Variants in INVS observed in about 807,000 individuals in gnomAD.
INVS encodes inversin.
In INVS, 86 loss-of-function variants were observed where a neutral mutation model predicts 108.8. That is an observed-to-expected ratio of 0.79 (90% CI 0.66 to 0.95). INVS has a LOEUF of 0.95. INVS is among the 40% of genes least tolerant of loss of function. The probability of loss-of-function intolerance (pLI) is 0.00; values close to 1 mark genes in which losing one functional copy is unlikely to be tolerated. For synonymous variants in INVS, 455 were observed against 473.5 expected, an observed-to-expected ratio of 0.96 and a Z score of 0.51; for missense variants, 1,169 against 1,297.4, an observed-to-expected ratio of 0.90 and a Z score of 1.52.
intron 3 of INVS, among the ~76,000 whole-genome samples, chr9:100,168,656 A>G (rs1159038258): frequency 6.6e-6 from 1 of 152,200 alleles, no homozygotes; most frequent in Admixed American, 6.5e-5. Flanking sequence ...AAGCTGTCAA[A>G]TATCGGCCTT....
intron 4 of INVS, among the ~76,000 whole-genome samples, chr9:100,228,238 G>A (rs1346791781): frequency 1.3e-5 from 2 of 152,016 alleles, no homozygotes; most frequent in Non-Finnish European, 2.9e-5. Context: ...TGATCCACCC[G>A]CCTCGATCTC....
intron 11 of INVS, 70 bp from the exon 12 acceptor site, chr9:100,272,794 T>A: frequency 7.3e-7 from 1 of 1,371,330 alleles, no homozygotes; most frequent in Non-Finnish European, 1.0e-6. Flanking sequence ...CATAATAATA[T>A]TTTCAGTTTA....
intron 3 of INVS, among the ~76,000 whole-genome samples, chr9:100,155,147 G>C (rs1030053734): frequency 1.3e-5 from 2 of 151,014 alleles, no homozygotes; most frequent in African/African-American, 2.4e-5. Flanking sequence ...GGAGGCAGAG[G>C]TTGCAGAGAG....
At chr9:100,291,771 C>T (rs1428139954) in intron 13 of INVS, among the ~76,000 whole-genome samples, 1 of 152,188 alleles carries the variant, frequency 6.6e-6, no homozygotes, top group East Asian at 1.9e-4. Flanking sequence ...AGAACCTGGG[C>T]TGAAACAAAC....
In INVS at chr9:100,240,234, T is replaced by A. The variant is rs769026685; in HGVS notation, c.790T>A (p.Leu264Ile). 6.2e-7 allele frequency: 1 copy of A among 1,613,308 alleles called. No homozygotes were observed. Among genetic ancestry groups the A allele is most frequent in the South Asian group, 1.1e-5 (1 of 91,078 alleles). Residue 264 changes from leucine to isoleucine, a missense_variant, in exon 6 of 17, where the codon TTA (leucine) becomes ATA (isoleucine). By Grantham distance (5) the Leu-to-Ile change is conservative. Transcript: ENST00000262457. ...TCGAACCCCACTGCACTGGGCAGCTTTATTAGGTACGTGACTCAAAGGATC... is the reference window on the plus strand; with the variant it reads ...TCGAACCCCACTGCACTGGGCAGCTATATTAGGTACGTGACTCAAAGGATC... Reference protein sequence around the residue: ...LFRTPLHWAALLGHAQIVHLL... With the variant: ...LFRTPLHWAAILGHAQIVHLL...
intron 3 of INVS, among the ~76,000 whole-genome samples, chr9:100,168,164 G>A (rs892607625): frequency 2.4e-4 from 36 of 152,042 alleles, no homozygotes; most frequent in Middle Eastern, 6.3e-3. Context: ...TCTCCAGAAT[G>A]TTTGTATTGA....
At chr9:100,198,450 TC>T (rs1830446937) in intron 3 of INVS, among the ~76,000 whole-genome samples, 1 of 149,750 alleles carries the variant, frequency 6.7e-6, no homozygotes, top group South Asian at 2.1e-4. Flanking sequence ...CACCACCAGG[TC>T]CCGCTAATTT....
chr9:100,284,536 C>T lies in INVS; in HGVS notation c.2001C>T (p.Gly667=), dbSNP rs536554704. 1.2e-5 allele frequency: 19 copies of T among 1,613,952 alleles called. No homozygotes were observed. The highest frequency in any genetic ancestry group is 5.0e-5 in the Admixed American group (3 of 60,006). Residue 667 remains glycine, a synonymous_variant, in exon 13 of 17, where the codon GGC becomes GGT. Transcript: ENST00000262457. ...DSRGSPGGSL[G]GALQKEQHVS... is the part of the protein sequence containing the mutation. Reference sequence around the variant, plus strand: ...GAGGATCTCCAGGAGGGTCTCTAGGCGGAGCCCTCCAGAAGGAGCAGCATG... The same window carrying T: ...GAGGATCTCCAGGAGGGTCTCTAGGTGGAGCCCTCCAGAAGGAGCAGCATG...
chr9:100,261,766 A>G (rs1832631687), intron 10 of INVS, among the ~76,000 whole-genome samples: 1 of 151,972 alleles, frequency 6.6e-6, no homozygotes, highest in African/African-American at 2.4e-5. Context: ...TATACTTTTC[A>G]TTTCTTTGCT....
chr9:100,208,591 A>G (rs560255529), intron 3 of INVS, among the ~76,000 whole-genome samples: 9 of 152,220 alleles, frequency 5.9e-5, no homozygotes, highest in East Asian at 1.9e-4. Context: ...TCTAAACTGC[A>G]TGCTAGGATC....
chr9:100,276,750 C>G (rs1833126153), intron 12 of INVS, among the ~76,000 whole-genome samples: 1 of 152,164 alleles, frequency 6.6e-6, no homozygotes, highest in Non-Finnish European at 1.5e-5. Context: ...CTCAACCCAC[C>G]CACCTCAGCC....
Position 100,239,097 on chromosome 9 carries a change from G to C in INVS, c.616-963G>C, listed in dbSNP as rs144563799. 2.5e-3 allele frequency among the ~76,000 whole-genome samples: 387 copies of C among 152,302 alleles called. 2 individuals are homozygous for C. The highest frequency in any genetic ancestry group is 8.9e-3 in the African/African-American group (370 of 41,570). On this transcript the variant is annotated intron_variant, in intron 5 of 16. Transcript: ENST00000262457. Reference sequence around the variant, plus strand: ...GAGAGTGATGTGACAATACCTGTTTGAAGATATCCTTCACCCCAGCAGTTC... The same window carrying C: ...GAGAGTGATGTGACAATACCTGTTTCAAGATATCCTTCACCCCAGCAGTTC...
chr9:100,176,539 C>T (rs944108449), intron 3 of INVS, among the ~76,000 whole-genome samples: 5 of 152,088 alleles, frequency 3.3e-5, no homozygotes, highest in South Asian at 2.1e-4. Flanking sequence ...TGCAGTGGTG[C>T]GATCTCAGCT....
In INVS at chr9:100,226,127, A is replaced by G; in HGVS notation, c.339A>G (p.Glu113=). Residue 113 remains glutamate (E), a synonymous_variant, in exon 4 of 17, where the codon GAA becomes GAG. Coordinates refer to ENST00000262457, the MANE Select transcript of INVS (RefSeq NM_014425.5). ...CAAACTGGATGCAAAAGGATCTGGA[A>G]GAGATGACTCCTTTGCACTTGACCA... ...RRANWMQKDL[E]EMTPLHLTTR... is the part of the protein sequence containing the mutation. The G allele has an allele frequency of 6.2e-7, 1 of 1,613,890 alleles. No individual in the cohort carries two copies. Among genetic ancestry groups the G allele is most frequent in the Non-Finnish European group, 8.5e-7 (1 of 1,179,834 alleles).
intron 5 of INVS, among the ~76,000 whole-genome samples, chr9:100,233,208 T>C (rs1831567497): frequency 6.6e-6 from 1 of 152,200 alleles, no homozygotes; most frequent in Non-Finnish European, 1.5e-5. Context: ...TTGGGAGTTT[T>C]GCACATTGAT....
At chr9:100,105,036 T>C (rs535275004) in intron 2 of INVS, among the ~76,000 whole-genome samples, 71 of 152,298 alleles carry the variant, frequency 4.7e-4, no homozygotes, top group African/African-American at 1.7e-3. Context: ...GATTTGCATA[T>C]ATAAGTGATA....
At chr9:100,217,793 C>T (rs1831035203) in intron 3 of INVS, among the ~76,000 whole-genome samples, 1 of 152,188 alleles carries the variant, frequency 6.6e-6, no homozygotes, top group Non-Finnish European at 1.5e-5. Flanking sequence ...CCAGTAAGTA[C>T]ATTCAGGGAC....
intron 10 of INVS, among the ~76,000 whole-genome samples, chr9:100,257,951 G>A (rs1287948519): frequency 6.6e-6 from 1 of 152,118 alleles, no homozygotes; most frequent in Non-Finnish European, 1.5e-5. Context: ...TTGAATGTTG[G>A]CCTGCCTTTC....
intron 3 of INVS, among the ~76,000 whole-genome samples, chr9:100,180,063 T>G (rs1829836478): frequency 6.6e-6 from 1 of 151,846 alleles, no homozygotes; most frequent in Non-Finnish European, 1.5e-5. Flanking sequence ...GAAATTAAGG[T>G]AGAAATAAAT....
Sources: gnomAD v4.1 joint callset for allele counts (sites outside exome capture counted in the v4.1 genomes callset) on GRCh38, gnomAD v4.1.1 for gene constraint, MANE v1.5 for transcripts, NCBI Gene and HGNC (gene_info 2026-07-23, HGNC 2026-07-21) for gene names.